TLN2: variants seen among roughly 807,000 people sequenced by gnomAD.
TLN2 encodes the protein talin 2.
Under a neutral mutation model 294.7 loss-of-function variants are expected in TLN2, and 118 were observed. The observed-to-expected ratio is 0.40, with a 90% CI of 0.34 to 0.47. TLN2 has a LOEUF of 0.47. Among genes scored for constraint, TLN2 ranks in the 20% least tolerant of loss-of-function variants. The pLI is 0.84. For missense variants in TLN2, 3,083 were observed against 3,282.2 expected, an observed-to-expected ratio of 0.94 and a Z score of 1.48; for synonymous variants, 1,431 against 1,304.5, an observed-to-expected ratio of 1.10 and a Z score of -2.09.
In TLN2 at chr15:62,534,585, C is replaced by A. The variant is rs1232435614; in HGVS notation, c.-237-55102C>A. On this transcript the variant is annotated intron_variant, in intron 1 of 58. Coordinates refer to ENST00000636159, the MANE Select transcript of TLN2 (RefSeq NM_015059.3). ...CAGTCCATGTGAGTTTTTATGGAAG[C>A]ATCGTTGTGTAGGAGTGATTGGTTA... Among the ~76,000 whole-genome samples, 4 of 152,164 alleles carry A rather than the reference C, an allele frequency of 2.6e-5. 1 individual carries two copies. The highest frequency in any genetic ancestry group is 6.5e-5 in the Admixed American group (1 of 15,268).
rs751100031 is a variant in TLN2, at chr15:62,800,663, C to T, written c.6371C>T (p.Thr2124Ile). Reference sequence around the variant, plus strand: ...TCCCTTCCTATGCAGGTGATGGTGACCAATGTCACCTCGCTCCTCAAGACT... The same window carrying T: ...TCCCTTCCTATGCAGGTGATGGTGATCAATGTCACCTCGCTCCTCAAGACT... ...QLKGAAKVMVTNVTSLLKTVK... is the reference protein window; with the variant it reads ...QLKGAAKVMVINVTSLLKTVK... The change falls in exon 50 of 59, where the codon ACC becomes ATC. Residue 2124 changes from threonine (T) to isoleucine (I), a missense_variant. Coordinates refer to ENST00000636159, the MANE Select transcript of TLN2 (RefSeq NM_015059.3). 5 of 1,614,148 alleles carry T rather than the reference C, an allele frequency of 3.1e-6. No homozygotes were observed. Among genetic ancestry groups the T allele is most frequent in the Admixed American group, 3.3e-5 (2 of 60,030 alleles).
At chr15:62,664,127 A>G (rs990440742) in intron 9 of TLN2, among the ~76,000 whole-genome samples, 7 of 152,046 alleles carry the variant, frequency 4.6e-5, no homozygotes, top group African/African-American at 1.7e-4. Context: ...TCTTATTAGG[A>G]AAAGACCTCA....
rs998651011 is a variant in TLN2, at chr15:62,522,978, A to T, written c.-237-66709A>T. Among the ~76,000 whole-genome samples the T allele has an allele frequency of 2.3e-3, 251 of 109,204 alleles. 1 individual carries two copies. Among genetic ancestry groups the T allele is most frequent in the Admixed American group, 2.3e-3 (25 of 10,670 alleles). 71.6% of individuals were successfully genotyped at this position (109,204 alleles called of 152,430 possible). On this transcript the variant is annotated intron_variant, in intron 1 of 58. Coordinates refer to ENST00000636159, the MANE Select transcript of TLN2 (RefSeq NM_015059.3). ...CACACACACACACACACACACACAC[A>T]CTCTCTCACTCACACTCATTCACTT...
intron 1 of TLN2, among the ~76,000 whole-genome samples, chr15:62,514,256 T>C (rs1230610934): frequency 6.6e-6 from 1 of 152,222 alleles, no homozygotes; most frequent in African/African-American, 2.4e-5. Context: ...AATGAGGTTT[T>C]ACCTGATGTC....
intron 1 of TLN2, among the ~76,000 whole-genome samples, chr15:62,529,357 G>T (rs1446511968): frequency 6.6e-6 from 1 of 151,964 alleles, no homozygotes. Context: ...GCCTTGTGTT[G>T]GTATTACACG....
intron 22 of TLN2, among the ~76,000 whole-genome samples, 183 bp downstream of exon 22, chr15:62,712,260 G>C (rs1210166580): frequency 6.6e-6 from 1 of 152,194 alleles, no homozygotes; most frequent in African/African-American, 2.4e-5. Context: ...TGAATGAAAT[G>C]CTTCAGGGAA....
chr15:62,438,302 A>G (rs987171614), intron 1 of TLN2, among the ~76,000 whole-genome samples: 1 of 48,458 alleles, frequency 2.1e-5, no homozygotes, highest in Non-Finnish European at 5.7e-5. Context: ...AGTGGGGGCT[A>G]TTACACTTCT....
At chr15:62,395,179 G>A (rs2032436485) in intron 1 of TLN2, among the ~76,000 whole-genome samples, 1 of 145,866 alleles carries the variant, frequency 6.9e-6, no homozygotes, top group South Asian at 2.4e-4. Context: ...TGTGTTCCGA[G>A]GAGGTGATAC....
chr15:62,591,021 A>C (rs1281701941), intron 2 of TLN2, among the ~76,000 whole-genome samples: 1 of 151,906 alleles, frequency 6.6e-6, no homozygotes. Context: ...TGATGATTAA[A>C]GCTGGATAGG....
intron 11 of TLN2, among the ~76,000 whole-genome samples, chr15:62,680,311 G>C (rs1004901269): frequency 6.6e-6 from 1 of 152,118 alleles, no homozygotes; most frequent in Non-Finnish European, 1.5e-5. Flanking sequence ...ACATGATATA[G>C]AGAGCCTCCT....
intron 54 of TLN2, chr15:62,829,148 GTATATATATATAATATATATTATAT>G (rs927199216): frequency 3.3e-4 from 27 of 80,852 alleles, no homozygotes; most frequent in Admixed American, 1.3e-3. Context: ...TACATAGTAG[GTATATATATATAATATATATTATAT>G]TATATATATA....
At chr15:62,586,339 A>G (rs990360831) in intron 1 of TLN2, among the ~76,000 whole-genome samples, 2 of 152,180 alleles carry the variant, frequency 1.3e-5, no homozygotes, top group Admixed American at 1.3e-4. Flanking sequence ...TCCTTTGTCT[A>G]ACTTCTAGGG....
Position 62,664,875 on chromosome 15 carries a change from A to AAAAAAAAAAAAAAAAAAAG in TLN2, c.788+6980_788+6981insAAAAAAAAAAAAAAAGAAA, listed in dbSNP as rs1555462003. ...ACTGTCTCAAAAAAAAAAAAAAAAA[A>AAAAAAAAAAAAAAAAAAAG]AAAGTGGCTACCTAATAAAGAAAGG... On this transcript the variant is annotated intron_variant, in intron 9 of 58. Coordinates refer to ENST00000636159, the MANE Select transcript of TLN2 (RefSeq NM_015059.3). Among the ~76,000 whole-genome samples the AAAAAAAAAAAAAAAAAAAG allele has an allele frequency of 7.3e-4, 107 of 146,516 alleles. 1 individual carries two copies. Among genetic ancestry groups the AAAAAAAAAAAAAAAAAAAG allele is most frequent in the African/African-American group, 2.7e-3 (102 of 37,494 alleles).
chr15:62,541,192 C>T (rs545560014), intron 1 of TLN2, among the ~76,000 whole-genome samples: 1 of 152,236 alleles, frequency 6.6e-6, no homozygotes, highest in African/African-American at 2.4e-5. Context: ...GAACTATTCT[C>T]TCTACTTTTG....
chr15:62,720,451 G>A (rs746084597), intron 25 of TLN2, among the ~76,000 whole-genome samples: 1 of 151,986 alleles, frequency 6.6e-6, no homozygotes, highest in Admixed American at 6.5e-5. Flanking sequence ...ACTTTTTCTC[G>A]ACTTGTATCT....
In TLN2 at chr15:62,796,136, G is replaced by T; in HGVS notation, c.5893G>T (p.Val1965Leu). The T allele has an allele frequency of 6.2e-7, 1 of 1,614,130 alleles. No homozygotes were observed. The highest frequency in any genetic ancestry group is 8.5e-7 in the Non-Finnish European group (1 of 1,179,998). ...CCCTTTCTGCCTACAGGTCTCCTTG[G>T]TGCTCTCGGCTCTCCAGGCCGGGAA... ...ARAVTEKVSLVLSALQAGNKG... is the reference protein window; with the variant it reads ...ARAVTEKVSLLLSALQAGNKG... The change falls in exon 47 of 59, where the codon GTG becomes TTG. Residue 1965 changes from valine (V) to leucine (L), a missense_variant. Val to Leu is a conservative substitution (Grantham distance 32, BLOSUM62 1). Coordinates refer to ENST00000636159, the MANE Select transcript of TLN2 (RefSeq NM_015059.3).
At chr15:62,521,029 T>A (rs1239437714) in intron 1 of TLN2, among the ~76,000 whole-genome samples, 16 of 152,222 alleles carry the variant, frequency 1.1e-4, no homozygotes, top group Admixed American at 1.0e-3. Context: ...CTTTAAGTTT[T>A]CACTTTCTTT....
intron 2 of TLN2, among the ~76,000 whole-genome samples, chr15:62,601,143 A>G (rs117374314): frequency 6.6e-6 from 1 of 152,306 alleles, no homozygotes; most frequent in Non-Finnish European, 1.5e-5. Flanking sequence ...TCAAACAGGG[A>G]TAATTTTCCT....
At chr15:62,648,034 C>G (rs1006895979) in intron 4 of TLN2, among the ~76,000 whole-genome samples, 1 of 152,056 alleles carries the variant, frequency 6.6e-6, no homozygotes, top group African/African-American at 2.4e-5. Flanking sequence ...ATTTGTCTTT[C>G]TTTTATTTAG....
Sources: allele counts gnomAD v4.1 joint callset (sites outside exome capture counted in the v4.1 genomes callset), GRCh38; gene constraint gnomAD v4.1.1; transcripts MANE v1.5; gene names NCBI Gene and HGNC (gene_info 2026-07-23, HGNC 2026-07-21).